The following ATG7 variants were observed in gnomAD, a reference collection of about 807,000 sequenced individuals.
ATG7 encodes the protein autophagy related 7, also known as ubiquitin-like modifier-activating enzyme ATG7.
In ATG7, 70 loss-of-function variants were observed where a neutral mutation model predicts 82.4. That is an observed-to-expected ratio of 0.85 (90% CI 0.70 to 1.04). The LOEUF is 1.04. ATG7 is among the 50% of genes least tolerant of loss of function. The pLI, the probability that ATG7 is intolerant of heterozygous loss-of-function variation, is 0.00. For missense variants in ATG7, 792 were observed against 864.3 expected (o/e 0.92, Z 1.05); for synonymous variants, 287 against 313.0 (o/e 0.92, Z 0.88).
chr3:11,535,340 T>G (rs755457636), intron 20 of ATG7, among the ~76,000 whole-genome samples: 5 of 152,232 alleles, frequency 3.3e-5, no homozygotes, highest in Admixed American at 1.3e-4. Context: ...CATCTCGTGT[T>G]ACTCATCTCT....
intron 20 of ATG7, among the ~76,000 whole-genome samples, chr3:11,481,197 C>T (rs985748837): frequency 6.6e-6 from 1 of 152,156 alleles, no homozygotes; most frequent in African/African-American, 2.4e-5. Context: ...TTAACCGGTA[C>T]AAGGTTTCAG....
At chr3:11,559,632 G>T (rs573468677), downstream of ATG7, among the ~76,000 whole-genome samples, 1 of 152,218 alleles carries the variant, frequency 6.6e-6, no homozygotes, top group Admixed American at 6.5e-5. Flanking sequence ...CAGAGTGAGC[G>T]CAGCTCCAAG....
At chr3:11,414,164 C>A (rs1248172599) in intron 19 of ATG7, among the ~76,000 whole-genome samples, 1 of 152,146 alleles carries the variant, frequency 6.6e-6, no homozygotes, top group Non-Finnish European at 1.5e-5. Context: ...CTCCCAGGTT[C>A]AAGTGATTTT....
At chr3:11,490,692 G>C (rs1343134476) in intron 20 of ATG7, among the ~76,000 whole-genome samples, 1 of 152,162 alleles carries the variant, frequency 6.6e-6, no homozygotes, top group East Asian at 1.9e-4. Context: ...CTCAGCATTT[G>C]CTTGTCTGTA....
intron 9 of ATG7, among the ~76,000 whole-genome samples, chr3:11,331,040 T>C (rs992656084): frequency 6.6e-6 from 1 of 152,210 alleles, no homozygotes; most frequent in Non-Finnish European, 1.5e-5. Context: ...TCCTCCTTCA[T>C]TCCCCATCTT....
intron 20 of ATG7, among the ~76,000 whole-genome samples, chr3:11,451,793 A>C (rs531382234): frequency 1.6e-5 from 2 of 126,758 alleles, no homozygotes; most frequent in African/African-American, 6.6e-5. Flanking sequence ...CTCAAAAAAA[A>C]AAAAAACAAA....
chr3:11,540,956 G>C (rs954459788), intron 20 of ATG7, among the ~76,000 whole-genome samples: 10 of 149,950 alleles, frequency 6.7e-5, no homozygotes, highest in African/African-American at 2.4e-4. Flanking sequence ...CTGGAGTGCA[G>C]TGGTGCAATC....
At chr3:11,396,372 T>G (rs550773365) in intron 19 of ATG7, among the ~76,000 whole-genome samples, 72 of 152,048 alleles carry the variant, frequency 4.7e-4, no homozygotes, top group African/African-American at 1.7e-3. Flanking sequence ...CCCAGAAGTT[T>G]GAGGCTGTAG....
intron 20 of ATG7, among the ~76,000 whole-genome samples, chr3:11,434,045 A>G (rs1212528809): frequency 6.6e-6 from 1 of 152,246 alleles, no homozygotes; most frequent in African/African-American, 2.4e-5. Context: ...CATTACGGTC[A>G]TGTGATATGA....
chr3:11,553,794 TTTA>T (rs2072081580), intron 20 of ATG7, among the ~76,000 whole-genome samples: 1 of 152,170 alleles, frequency 6.6e-6, no homozygotes, highest in South Asian at 2.1e-4. Context: ...TTTCCTTCTA[TTTA>T]TTTTCGACAT....
At chr3:11,448,518 G>T (rs140830123) in intron 20 of ATG7, among the ~76,000 whole-genome samples, 2 of 152,172 alleles carry the variant, frequency 1.3e-5, no homozygotes, top group East Asian at 3.9e-4. Flanking sequence ...CTTACTTGCC[G>T]TGCTGAAACT....
intron 8 of ATG7, among the ~76,000 whole-genome samples, chr3:11,314,777 A>G (rs1949158354): frequency 0.013 from 1 of 78 alleles, no homozygotes; most frequent in South Asian, 0.12. Flanking sequence ...GCTATAAAAA[A>G]TACCAAAAAA....
downstream of ATG7, chr3:11,558,668 G>A (rs777574394): frequency 9.3e-6 from 15 of 1,613,306 alleles, no homozygotes; most frequent in Non-Finnish European, 1.2e-5. Context: ...GTCCTTGGCC[G>A]CTTTGATCTG....
intron 1 of ATG7, 187 bp downstream of exon 1, chr3:11,272,617 C>T (rs1940692159): frequency 6.6e-6 from 1 of 152,414 alleles, no homozygotes; most frequent in Non-Finnish European, 1.5e-5. Flanking sequence ...CGCCCTTCGT[C>T]TGTAGCCGCG....
At chr3:11,436,368 G>A (rs1370694460) in intron 20 of ATG7, among the ~76,000 whole-genome samples, 1 of 152,092 alleles carries the variant, frequency 6.6e-6, no homozygotes, top group Admixed American at 6.5e-5. Flanking sequence ...ACCTACTAGT[G>A]GGAGTGTCAA....
chr3:11,420,472 C>G (rs2081839123), intron 19 of ATG7, among the ~76,000 whole-genome samples: 1 of 152,076 alleles, frequency 6.6e-6, no homozygotes, highest in South Asian at 2.1e-4. Flanking sequence ...AGTATCATGT[C>G]TGGGGCTCTT....
At chr3:11,320,646 G>C (rs1286039165) in intron 9 of ATG7, among the ~76,000 whole-genome samples, 2 of 152,234 alleles carry the variant, frequency 1.3e-5, no homozygotes, top group Non-Finnish European at 2.9e-5. Flanking sequence ...CCATTTAAAT[G>C]TAAGCTCTAC....
the ATG7 span, among the ~76,000 whole-genome samples, chr3:11,573,291 GAAAGA>G: frequency 1.7e-3 from 19 of 10,924 alleles, 2 homozygotes; most frequent in Admixed American, 8.9e-3. Flanking sequence ...AAGAAAGAAA[GAAAGA>G]AAGAAAGAAA....
At chr3:11,574,418 G>T in the ATG7 span, among the ~76,000 whole-genome samples, 2 of 152,154 alleles carry the variant, frequency 1.3e-5, no homozygotes, top group Non-Finnish European at 2.9e-5. Flanking sequence ...AGTCCAAACA[G>T]AGACCAGAGC....
Sources: gnomAD v4.1 joint callset for allele counts (sites outside exome capture counted in the v4.1 genomes callset) on GRCh38, gnomAD v4.1.1 for gene constraint, MANE v1.5 for transcripts, NCBI Gene and HGNC (gene_info 2026-07-23, HGNC 2026-07-21) for gene names.